Variants in BCAT1 observed in about 807,000 individuals in gnomAD.
BCAT1 encodes branched-chain-amino-acid aminotransferase, cytosolic.
In BCAT1, 48 loss-of-function variants were observed where a neutral mutation model predicts 52.4. The ratio of observed to expected loss-of-function variants is 0.92; its 90% confidence interval spans 0.73 to 1.16. The LOEUF is 1.16. BCAT1 is among the 50% of genes most tolerant of loss of function. BCAT1 has a pLI of 0.00. For synonymous variants in BCAT1, 167 were observed against 161.3 expected (o/e 1.04, Z -0.27); for missense variants, 451 against 457.1 (o/e 0.99, Z 0.12).
At chr12:24,902,779 C>T (rs1591860195) in intron 1 of BCAT1, 3 of 994,008 alleles carry the variant, frequency 3.0e-6, no homozygotes, top group African/African-American at 1.7e-5. Flanking sequence ...CTCCAGATTT[C>T]GGGCAGGGAT....
At chr12:24,873,123 T>C (rs1035875539) in intron 5 of BCAT1, among the ~76,000 whole-genome samples, 1 of 152,254 alleles carries the variant, frequency 6.6e-6, no homozygotes, top group South Asian at 2.1e-4. Flanking sequence ...TCCTTGGATG[T>C]AGTGTTGTTA....
intron 1 of BCAT1, among the ~76,000 whole-genome samples, chr12:24,916,158 C>CA (rs1353471779): frequency 3.9e-5 from 6 of 152,088 alleles, no homozygotes; most frequent in Non-Finnish European, 7.4e-5. Flanking sequence ...GATTCCGTGT[C>CA]AAAAAAACAA....
intron 1 of BCAT1, among the ~76,000 whole-genome samples, chr12:24,916,022 A>G (rs1411518553): frequency 6.6e-6 from 1 of 152,110 alleles, no homozygotes; most frequent in African/African-American, 2.4e-5. Flanking sequence ...AGCTGGGAGT[A>G]GCAACACATG....
At chr12:24,832,675 A>C (rs1940724349) in intron 9 of BCAT1, 48 bp downstream of exon 9, 24 of 1,536,248 alleles carry the variant, frequency 1.6e-5, no homozygotes, top group Non-Finnish European at 2.1e-5. Flanking sequence ...ATTAAATGTA[A>C]TTTAATGTGA....
At chr12:24,868,686 G>A (rs1033495809) in intron 5 of BCAT1, among the ~76,000 whole-genome samples, 13 of 152,198 alleles carry the variant, frequency 8.5e-5, no homozygotes, top group Non-Finnish European at 4.4e-5. Context: ...TTAAAAGAAT[G>A]TTCTTGGAGT....
In BCAT1 at chr12:24,832,322, A is replaced by T. The variant is rs551860017; in HGVS notation, c.1044+401T>A. On this transcript the variant is annotated intron_variant, in intron 9 of 10. Coordinates refer to ENST00000261192, the MANE Select transcript of BCAT1 (RefSeq NM_005504.7). ...AAGCTTACATGAAATCACTGGAAAC[A>T]TAGTAGATATATGCTAATACAGTTT... 4.6e-5 allele frequency among the ~76,000 whole-genome samples: 7 copies of T among 152,346 alleles called. No homozygotes were observed. The East Asian group carries it at 1.3e-3, about 29-fold the overall frequency.
intron 1 of BCAT1, among the ~76,000 whole-genome samples, chr12:24,907,254 C>T (rs903410306): frequency 1.3e-5 from 2 of 152,244 alleles, no homozygotes; most frequent in African/African-American, 2.4e-5. Flanking sequence ...TTGGCAGGAA[C>T]GTCTCTGAAC....
chr12:24,838,530 C>T (rs1941073618), intron 7 of BCAT1, among the ~76,000 whole-genome samples: 1 of 147,034 alleles, frequency 6.8e-6, no homozygotes, highest in African/African-American at 2.5e-5. Flanking sequence ...CACACACACA[C>T]TTCCAGTGCC....
chr12:24,854,606 T>C (rs1456331257), intron 5 of BCAT1, among the ~76,000 whole-genome samples: 4 of 152,174 alleles, frequency 2.6e-5, no homozygotes, highest in Non-Finnish European at 5.9e-5. Context: ...TAGGAAAAGC[T>C]ACTATAGCTG....
At chr12:24,858,966 T>A (rs962481744) in intron 5 of BCAT1, among the ~76,000 whole-genome samples, 6 of 152,332 alleles carry the variant, frequency 3.9e-5, no homozygotes, top group African/African-American at 1.4e-4. Context: ...TTAAAGGGTA[T>A]TATTCAGTTT....
At chr12:24,922,098 T>C (rs112945571) in intron 1 of BCAT1, among the ~76,000 whole-genome samples, 1 of 152,164 alleles carries the variant, frequency 6.6e-6, no homozygotes, top group Non-Finnish European at 1.5e-5. Context: ...GAGAGTTAAT[T>C]TGAGTGACTG....
intron 4 of BCAT1, among the ~76,000 whole-genome samples, chr12:24,879,617 G>T (rs1035578921): frequency 2.0e-4 from 31 of 152,126 alleles, no homozygotes; most frequent in Non-Finnish European, 1.5e-5. Flanking sequence ...CAATCATATA[G>T]GTGAACCCTG....
chr12:24,902,172 T>A, intron 1 of BCAT1: 1 of 1,433,884 alleles, frequency 7.0e-7, no homozygotes, highest in Non-Finnish European at 9.1e-7. Context: ...AGAGCCAGGG[T>A]TCGCCGGCAA....
At chr12:24,853,788 A>G (rs917082848) in intron 5 of BCAT1, among the ~76,000 whole-genome samples, 1 of 152,206 alleles carries the variant, frequency 6.6e-6, no homozygotes, top group Non-Finnish European at 1.5e-5. Flanking sequence ...GTCAATTTCG[A>G]TGAGTCACAT....
chr12:24,820,506 ATGTCATTATACTCT>A (rs1244456210), intron 10 of BCAT1, among the ~76,000 whole-genome samples: 12 of 152,168 alleles, frequency 7.9e-5, no homozygotes, highest in South Asian at 2.1e-4. Context: ...ATGGACTAGG[ATGTCATTATACTCT>A]TGTCATTATA....
intron 2 of BCAT1, among the ~76,000 whole-genome samples, chr12:24,898,170 G>C (rs1157587522): frequency 6.6e-6 from 1 of 152,062 alleles, no homozygotes; most frequent in Non-Finnish European, 1.5e-5. Flanking sequence ...TCTTTAAAAA[G>C]TATTTTCTTT....
intron 6 of BCAT1, among the ~76,000 whole-genome samples, chr12:24,849,072 G>C (rs773084637): frequency 6.6e-6 from 1 of 152,190 alleles, no homozygotes; most frequent in Non-Finnish European, 1.5e-5. Flanking sequence ...GCTGCCCTGA[G>C]TATGCAAACA....
intron 1 of BCAT1, among the ~76,000 whole-genome samples, chr12:24,921,167 A>C (rs746350478): frequency 6.6e-6 from 1 of 152,164 alleles, no homozygotes; most frequent in Non-Finnish European, 1.5e-5. Context: ...TGACTGATTA[A>C]ACCACTGGCC....
At chr12:24,823,633 T>C (rs959084964) in intron 10 of BCAT1, among the ~76,000 whole-genome samples, 8 of 152,266 alleles carry the variant, frequency 5.3e-5, no homozygotes, top group African/African-American at 1.2e-4. Flanking sequence ...GTTCTCATGA[T>C]AGTGAGTGAG....
Sources: allele counts gnomAD v4.1 joint callset (sites outside exome capture counted in the v4.1 genomes callset), GRCh38; gene constraint gnomAD v4.1.1; transcripts MANE v1.5; gene names NCBI Gene and HGNC (gene_info 2026-07-23, HGNC 2026-07-21).